The following GSE1 variants were observed in gnomAD, a reference collection of about 807,000 sequenced individuals.
GSE1 encodes genetic suppressor element 1.
GSE1 carries 32 observed loss-of-function variants against 112.6 expected under a neutral mutation model. That is an observed-to-expected ratio of 0.28 (90% CI 0.21 to 0.38). The LOEUF is 0.38. Ranked by LOEUF, GSE1 falls within the 10% of genes least tolerant of loss-of-function variation. GSE1 has a pLI of 1.00. For synonymous variants in GSE1, 1,115 were observed against 735.6 expected (o/e 1.52, Z -8.35); for missense variants, 2,348 against 1,699.2 (o/e 1.38, Z -6.71).
intron 1 of GSE1, among the ~76,000 whole-genome samples, chr16:85,179,691 G>T (rs965963195): frequency 6.6e-6 from 1 of 152,140 alleles, no homozygotes; most frequent in Non-Finnish European, 1.5e-5. Context: ...TCTTACTCCT[G>T]GTCTTCAGGC....
At chr16:85,324,192 T>C (rs1300034734) in intron 1 of GSE1, among the ~76,000 whole-genome samples, 1 of 152,178 alleles carries the variant, frequency 6.6e-6, no homozygotes, top group Non-Finnish European at 1.5e-5. Flanking sequence ...ACCCAGTTAC[T>C]GCACTGTAGG....
At chr16:85,216,246 A>G (rs922450878) in intron 1 of GSE1, among the ~76,000 whole-genome samples, 1 of 152,208 alleles carries the variant, frequency 6.6e-6, no homozygotes, top group Non-Finnish European at 1.5e-5. Context: ...TCTACAAAAT[A>G]TCAAAAAATT....
At chr16:85,335,278 C>T (rs2046458955) in intron 1 of GSE1, among the ~76,000 whole-genome samples, 3 of 152,240 alleles carry the variant, frequency 2.0e-5, no homozygotes, top group Admixed American at 6.5e-5. Flanking sequence ...TGACACAGCC[C>T]TTTGCCCCAT....
chr16:85,546,688 C>T lies in GSE1; in HGVS notation c.2465-87226C>T, dbSNP rs941977346. On this transcript the variant is annotated intron_variant, in intron 2 of 2. Transcript: ENST00000637419. ...AGCTCTTCCGGGCCAGGCCTGGACG[C>T]GGCCAGTGATTCCTTCTCCCACATT... 3.3e-5 allele frequency among the ~76,000 whole-genome samples: 5 copies of T among 152,208 alleles called. 1 individual carries two copies. Among genetic ancestry groups the T allele is most frequent in the South Asian group, 4.1e-4 (2 of 4,826 alleles).
intron 1 of GSE1, among the ~76,000 whole-genome samples, chr16:85,571,281 G>C (rs1335852355): frequency 6.6e-6 from 1 of 152,210 alleles, no homozygotes; most frequent in African/African-American, 2.4e-5. Flanking sequence ...CACTGGACCT[G>C]CACCGCCTAA....
intron 1 of GSE1, among the ~76,000 whole-genome samples, chr16:85,617,064 T>C (rs1386753753): frequency 6.6e-6 from 1 of 152,188 alleles, no homozygotes; most frequent in Non-Finnish European, 1.5e-5. Context: ...TCGCCACTCC[T>C]GCGTTTGGCC....
intron 1 of GSE1, among the ~76,000 whole-genome samples, chr16:85,588,780 G>C (rs1181913476): frequency 1.3e-5 from 2 of 152,150 alleles, no homozygotes; most frequent in Non-Finnish European, 2.9e-5. Flanking sequence ...CTTTGTCAGG[G>C]GGCCCGGGGA....
At position 85,668,340 on chromosome 16, in the gene GSE1, G is replaced by A; in HGVS notation, c.3331G>A (p.Asp1111Asn). ...GGAGGAGGAAGAGGAGGATGATGAA[G>A]ATGGAGAAGATGAGGAGGAAGTCCC... The part of the protein sequence containing the change: ...SEEEEEEDDE[D>N]GEDEEEVPKR... The change falls in exon 14 of 16, where the codon GAT becomes AAT. Residue 1111 changes from aspartate to asparagine, a missense_variant. Coordinates refer to ENST00000253458, the MANE Select transcript of GSE1 (RefSeq NM_014615.5). The A allele has an allele frequency of 1.2e-6, 2 of 1,613,502 alleles. No homozygotes were observed. The highest frequency in any genetic ancestry group is 1.7e-6 in the Non-Finnish European group (2 of 1,179,604).
At chr16:85,534,419 G>A (rs1156265105) in intron 2 of GSE1, among the ~76,000 whole-genome samples, 2 of 152,092 alleles carry the variant, frequency 1.3e-5, no homozygotes, top group South Asian at 4.1e-4. Flanking sequence ...ACCACGCCCG[G>A]CCAATTTCTT....
intron 3 of GSE1, among the ~76,000 whole-genome samples, chr16:85,652,699 G>C (rs1267536904): frequency 6.6e-6 from 1 of 152,180 alleles, no homozygotes. Context: ...TATGAAGATG[G>C]ATGGGCCCAG....
Position 85,311,822 on chromosome 16 carries a change from G to A in GSE1, c.2284-45641G>A, listed in dbSNP as rs2045856097. Among the ~76,000 whole-genome samples the A allele has an allele frequency of 6.6e-6, 1 of 152,298 alleles. No individual in the cohort carries two copies. Among genetic ancestry groups the A allele is most frequent in the East Asian group, 1.9e-4 (1 of 5,182 alleles). ...GCAGTCCTGGTGATGGGGACCCACT[G>A]TCTGACCTGTGGCCCCAGCCGCGAG... On this transcript the variant is annotated intron_variant, in intron 1 of 2. Coordinates refer to the GSE1 transcript ENST00000637419. The surrounding 1 kb of genome is among the most constrained non-coding windows in gnomAD (Gnocchi z 4.2).
chr16:85,235,997 TG>T (rs1904610973), intron 1 of GSE1, among the ~76,000 whole-genome samples: 3 of 150,872 alleles, frequency 2.0e-5, no homozygotes, highest in Non-Finnish European at 3.0e-5. Context: ...GGCCTGGGCC[TG>T]GGGCTGAGGC....
rs115006535 is a variant in GSE1 at position 85,534,958 on chromosome 16, C to T, written c.2465-98956C>T. Among the ~76,000 whole-genome samples the T allele has an allele frequency of 1.0e-3, 155 of 152,280 alleles. 1 individual carries two copies. The highest frequency in any genetic ancestry group is 3.6e-3 in the African/African-American group (151 of 41,536). On this transcript the variant is annotated intron_variant, in intron 2 of 2. Coordinates refer to the GSE1 transcript ENST00000637419. ...CTGTGTGAATGAGGAATGAGGAGCC[C>T]GTGGTCTTGGAGGCATGTGTGCACG...
chr16:85,614,416 C>A (rs953570378), intron 1 of GSE1, among the ~76,000 whole-genome samples: 1 of 152,182 alleles, frequency 6.6e-6, no homozygotes, highest in Non-Finnish European at 1.5e-5. Context: ...CCACCCCCAG[C>A]TTTCCGCCTC....
At chr16:85,262,376 A>C (rs4288982) in intron 1 of GSE1, among the ~76,000 whole-genome samples, 41,406 of 151,928 alleles carry the variant, frequency 0.27, 5,733 homozygotes, top group South Asian at 0.3. Flanking sequence ...GGAGGGGGCC[A>C]GCTAGAGTTT....
intron 1 of GSE1, among the ~76,000 whole-genome samples, chr16:85,260,319 C>CTTTTTTTTTTTTTTT (rs111292010): frequency 1.2e-4 from 11 of 94,870 alleles, no homozygotes; most frequent in Admixed American, 2.3e-4. Context: ...TTTTTCTTTT[C>CTTTTTTTTTTTTTTT]TTTTTTTTTT....
intron 1 of GSE1, among the ~76,000 whole-genome samples, chr16:85,625,716 C>G (rs1448379231): frequency 6.6e-6 from 1 of 152,236 alleles, no homozygotes; most frequent in Non-Finnish European, 1.5e-5. Context: ...ACTGCAGCTT[C>G]AAGGGTGTCG....
chr16:85,214,723 G>T (rs1597816606), intron 1 of GSE1, among the ~76,000 whole-genome samples: 1 of 152,356 alleles, frequency 6.6e-6, no homozygotes, highest in African/African-American at 2.4e-5. Flanking sequence ...ACCGCGTGGG[G>T]TGCAGGCGAC....
chr16:85,189,800 T>C (rs2074784539), intron 1 of GSE1, among the ~76,000 whole-genome samples: 1 of 152,246 alleles, frequency 6.6e-6, no homozygotes, highest in East Asian at 1.9e-4. Flanking sequence ...AATTAGTTGA[T>C]AAAACTTTGT....
Sources: allele counts gnomAD v4.1 joint callset (sites outside exome capture counted in the v4.1 genomes callset), GRCh38; gene constraint gnomAD v4.1.1; non-coding constraint Gnocchi (gnomAD v3.1); transcripts MANE v1.5; gene names NCBI Gene and HGNC (gene_info 2026-07-23, HGNC 2026-07-21).